Variants in LYG2 observed in about 807,000 individuals in gnomAD.
LYG2 encodes the protein lysozyme g-like protein 2.
A neutral mutation model predicts 22.4 loss-of-function variants in LYG2; 25 were observed. That is an observed-to-expected ratio of 1.12 (90% confidence interval 0.81 to 1.56). The LOEUF is 1.56. Ranked by LOEUF, LYG2 falls within the 40% of genes most tolerant of loss-of-function variation. LYG2 has a pLI of 0.00. For missense variants in LYG2, 266 were observed against 269.5 expected, an observed-to-expected ratio of 0.99 and a Z score of 0.09; for synonymous variants, 88 against 97.0, an observed-to-expected ratio of 0.91 and a Z score of 0.55.
chr2:99,254,338 A>G (rs1319956406), intron 2 of LYG2, 53 bp from the exon 3 acceptor site: 5 of 1,454,142 alleles, frequency 3.4e-6, no homozygotes, highest in Admixed American at 1.9e-5. Flanking sequence ...AAAATTTCCT[A>G]AAGAAAAATT....
At chr2:99,250,933 A>G (rs1189003008) in intron 3 of LYG2, among the ~76,000 whole-genome samples, 1 of 152,258 alleles carries the variant, frequency 6.6e-6, no homozygotes, top group Non-Finnish European at 1.5e-5. Context: ...AGACCTGTAT[A>G]TACTCCTGTA....
At chr2:99,254,190 C>T (rs1324055283) in intron 3 of LYG2, 28 bp downstream of exon 3, 2 of 1,607,442 alleles carry the variant, frequency 1.2e-6, no homozygotes, top group African/African-American at 2.7e-5. Flanking sequence ...ACCCTGTGAA[C>T]AATGCTAAAT....
intron 3 of LYG2, among the ~76,000 whole-genome samples, chr2:99,251,325 A>T (rs1360163951): frequency 6.6e-6 from 1 of 152,218 alleles, no homozygotes; most frequent in Admixed American, 6.5e-5. Flanking sequence ...TTTAAAATAT[A>T]TCCATATAAG....
At chr2:99,242,621 C>G (rs973434908) in intron 6 of LYG2, 139 bp from the exon 7 acceptor site, 15 of 533,958 alleles carry the variant, frequency 2.8e-5, no homozygotes, top group Non-Finnish European at 5.0e-5. Context: ...CCCTCCCTTT[C>G]TGAAAGGACG....
chr2:99,257,593 T>C (rs1365076921), upstream of LYG2, among the ~76,000 whole-genome samples: 1 of 152,198 alleles, frequency 6.6e-6, no homozygotes, highest in Non-Finnish European at 1.5e-5. Context: ...GCACCTGTCA[T>C]AATCTCTATC....
chr2:99,247,799 A>G (rs1305478119), intron 3 of LYG2, among the ~76,000 whole-genome samples: 1 of 152,096 alleles, frequency 6.6e-6, no homozygotes, highest in Non-Finnish European at 1.5e-5. Flanking sequence ...CAGGCAACCT[A>G]CAAAATGGGA....
chr2:99,245,151 G>T, intron 5 of LYG2, 111 bp downstream of exon 5: 1 of 1,212,654 alleles, frequency 8.2e-7, no homozygotes, highest in Non-Finnish European at 1.1e-6. Flanking sequence ...CCTGTAGCCA[G>T]ATGCCAGGGT....
chr2:99,260,049 C>T (rs1178562716), upstream of LYG2, among the ~76,000 whole-genome samples: 1 of 151,166 alleles, frequency 6.6e-6, no homozygotes, highest in African/African-American at 2.4e-5. Context: ...GCAACTTCCA[C>T]CTTCCAGGTT....
chr2:99,246,819 G>A lies in LYG2; in HGVS notation c.45C>T (p.Gly15=), dbSNP rs770534679. The stretch of plus-strand genomic sequence containing the variant: ...TGAAGGGGTATGAGCCCCTGGAAGT[G>A]CCTAGGAGGCAGAAGTGTAACTCAC... The part of the protein sequence containing the change: ...VVFWGLIALI[G]TSRGSYPFSH... The change falls in exon 4 of 7, where the codon GGC becomes GGT. Residue 15 remains glycine (G), a splice_region_variant and synonymous_variant. Coordinates refer to ENST00000333017, the MANE Select transcript of LYG2 (RefSeq NM_175735.4). 6.2e-7 allele frequency: 1 copy of A among 1,609,664 alleles called. No homozygotes were observed. The highest frequency in any genetic ancestry group is 8.5e-7 in the Non-Finnish European group (1 of 1,178,820).
intron 3 of LYG2, among the ~76,000 whole-genome samples, chr2:99,248,241 C>G (rs1032421315): frequency 5.3e-5 from 8 of 152,222 alleles, no homozygotes; most frequent in African/African-American, 1.4e-4. Context: ...GGTATATACC[C>G]AAAGGACTAT....
At chr2:99,254,135 C>T (rs978362691) in intron 3 of LYG2, 83 bp downstream of exon 3, 5 of 1,215,052 alleles carry the variant, frequency 4.1e-6, no homozygotes, top group African/African-American at 1.5e-5. Flanking sequence ...TACAGGTAAT[C>T]ATTGCTCTTT....
At position 99,244,030 on chromosome 2, in the gene LYG2, G is replaced by T; in HGVS notation, c.489C>A (p.Phe163Leu). The change falls in exon 6 of 7, where the codon TTC becomes TTA. Residue 163 changes from phenylalanine (F) to leucine (L), a missense_variant. Physicochemically the swap from Phe to Leu is conservative, Grantham distance 22. Coordinates refer to ENST00000333017, the MANE Select transcript of LYG2 (RefSeq NM_175735.4). Reference sequence around the variant, plus strand: ...GGTGCTGAGCAACACTCCACGTGGGGAATTTTTTCTGGATTGCCTTAATTC... The same window carrying T: ...GGTGCTGAGCAACACTCCACGTGGGTAATTTTTTCTGGATTGCCTTAATTC... Reference protein sequence around the residue: ...TERIKAIQKKFPTWSVAQHLK... With the variant: ...TERIKAIQKKLPTWSVAQHLK... 6.2e-7 allele frequency: 1 copy of T among 1,614,064 alleles called. No individual in the cohort carries two copies. The highest frequency in any genetic ancestry group is 8.5e-7 in the Non-Finnish European group (1 of 1,179,992).
chr2:99,247,291 A>G (rs573904051), intron 3 of LYG2, among the ~76,000 whole-genome samples: 2 of 152,018 alleles, frequency 1.3e-5, no homozygotes, highest in South Asian at 2.1e-4. Flanking sequence ...GGGTTTTGCT[A>G]TGTTGCCCAA....
At chr2:99,245,067 C>T (rs1968916) in intron 5 of LYG2, among the ~76,000 whole-genome samples, 195 bp downstream of exon 5, 35,730 of 150,610 alleles carry the variant, frequency 0.24, 4,349 homozygotes, top group Admixed American at 0.32. Flanking sequence ...GCCGAGATCA[C>T]GCCATTGCAC....
chr2:99,254,356 A>C, intron 2 of LYG2, 71 bp from the exon 3 acceptor site: 2 of 1,250,112 alleles, frequency 1.6e-6, no homozygotes, highest in Non-Finnish European at 2.3e-6. Context: ...ATTTGCTTTG[A>C]TATTTTAAAA....
chr2:99,242,633 G>A, intron 6 of LYG2, 151 bp from the exon 7 acceptor site: 5 of 506,834 alleles, frequency 9.9e-6, no homozygotes, highest in Middle Eastern at 5.3e-4. Flanking sequence ...GAAAGGACGT[G>A]CTATCCCAAG....
intron 3 of LYG2, among the ~76,000 whole-genome samples, chr2:99,248,231 G>C (rs1470309432): frequency 7.9e-5 from 12 of 152,048 alleles, no homozygotes; most frequent in Non-Finnish European, 2.9e-5. Context: ...CCCATTACTG[G>C]GTATATACCC....
intron 3 of LYG2, among the ~76,000 whole-genome samples, chr2:99,247,802 A>G (rs1009913292): frequency 6.6e-6 from 1 of 151,936 alleles, no homozygotes; most frequent in African/African-American, 2.4e-5. Flanking sequence ...GCAACCTACA[A>G]AATGGGAGAA....
At chr2:99,245,898 A>G (rs2094015353) in intron 4 of LYG2, among the ~76,000 whole-genome samples, 1 of 152,164 alleles carries the variant, frequency 6.6e-6, no homozygotes, top group Non-Finnish European at 1.5e-5. Flanking sequence ...ACTTGAGGTC[A>G]GGAGCTCAAG....
Sources: allele counts gnomAD v4.1 joint callset (sites outside exome capture counted in the v4.1 genomes callset), GRCh38; gene constraint gnomAD v4.1.1; transcripts MANE v1.5; gene names NCBI Gene and HGNC (gene_info 2026-07-23, HGNC 2026-07-21).